Variants in C12orf56 observed in about 807,000 individuals in gnomAD.
C12orf56 encodes the protein chromosome 12 open reading frame 56.
C12orf56 carries 71 observed loss-of-function variants against 69.9 expected under a neutral mutation model. That is an observed-to-expected ratio of 1.02 (90% CI 0.84 to 1.24). The LOEUF is 1.24. Ranked by LOEUF, C12orf56 falls within the 50% of genes most tolerant of loss-of-function variation. The pLI, the probability that C12orf56 is intolerant of heterozygous loss-of-function variation, is 0.00. For missense variants in C12orf56, 732 were observed against 738.5 expected (o/e 0.99, Z 0.10); for synonymous variants, 276 against 274.1 (o/e 1.01, Z -0.07).
intron 1 of C12orf56, among the ~76,000 whole-genome samples, chr12:64,363,436 G>A (rs948593983): frequency 1.3e-5 from 2 of 152,172 alleles, no homozygotes; most frequent in Non-Finnish European, 2.9e-5. Context: ...GCTTGAATCA[G>A]GACTGGCCTT....
intron 3 of C12orf56, 125 bp from the exon 4 acceptor site, chr12:64,319,105 A>T: frequency 1.0e-6 from 1 of 967,182 alleles, no homozygotes; most frequent in East Asian, 2.7e-5. Flanking sequence ...TAAAACAAGG[A>T]AGTCATTGAA....
At chr12:64,315,950 G>C (rs1169525545) in intron 4 of C12orf56, among the ~76,000 whole-genome samples, 1 of 146,296 alleles carries the variant, frequency 6.8e-6, no homozygotes, top group East Asian at 2.0e-4. Flanking sequence ...AAAAAAAAAA[G>C]TGTTTATATT....
chr12:64,352,144 GCTC>G (rs2039235697), intron 2 of C12orf56, among the ~76,000 whole-genome samples: 2 of 150,062 alleles, frequency 1.3e-5, no homozygotes, highest in Non-Finnish European at 2.9e-5. Context: ...CAGGCTTTTG[GCTC>G]CCCTCTCCCT....
intron 4 of C12orf56, among the ~76,000 whole-genome samples, chr12:64,315,074 C>T (rs1035216625): frequency 2.7e-5 from 4 of 147,296 alleles, no homozygotes; most frequent in African/African-American, 1.0e-4. Context: ...GCCTCAGCTT[C>T]CTGAGTAACT....
intron 1 of C12orf56, among the ~76,000 whole-genome samples, chr12:64,379,655 T>C (rs1439591820): frequency 1.3e-5 from 2 of 151,982 alleles, no homozygotes; most frequent in Non-Finnish European, 2.9e-5. Flanking sequence ...TGATGTGAGT[T>C]TACCACTTCC....
At chr12:64,286,617 AT>A (rs1439759783) in intron 6 of C12orf56, among the ~76,000 whole-genome samples, 1 of 152,180 alleles carries the variant, frequency 6.6e-6, no homozygotes, top group African/African-American at 2.4e-5. Context: ...TGGGGAACCC[AT>A]TTTTTAGTGT....
chr12:64,352,209 C>A (rs980616607), intron 2 of C12orf56: 7 of 152,012 alleles, frequency 4.6e-5, no homozygotes, highest in Non-Finnish European at 8.8e-5. Context: ...TACCCACCAC[C>A]CTTGTTTCAT....
intron 6 of C12orf56, among the ~76,000 whole-genome samples, chr12:64,288,889 A>T (rs1430840068): frequency 6.6e-6 from 1 of 151,016 alleles, no homozygotes; most frequent in East Asian, 2.0e-4. Context: ...CTGTGAGGAA[A>T]GTCATTGGTA....
At chr12:64,353,940 C>T (rs1472259181) in intron 1 of C12orf56, among the ~76,000 whole-genome samples, 1 of 152,238 alleles carries the variant, frequency 6.6e-6, no homozygotes. Context: ...CTCGGCCTCC[C>T]AAAGTGCTGG....
At chr12:64,375,803 T>C (rs1312883335) in intron 1 of C12orf56, among the ~76,000 whole-genome samples, 1 of 152,214 alleles carries the variant, frequency 6.6e-6, no homozygotes, top group Non-Finnish European at 1.5e-5. Flanking sequence ...TCATCTTCTC[T>C]TATTTTATGC....
intron 1 of C12orf56, among the ~76,000 whole-genome samples, chr12:64,353,366 C>G (rs10748010): frequency 6.6e-6 from 1 of 151,846 alleles, no homozygotes; most frequent in Non-Finnish European, 1.5e-5. Flanking sequence ...CCATGTTGGC[C>G]AGGCTGGTCT....
intron 4 of C12orf56, among the ~76,000 whole-genome samples, chr12:64,314,426 C>T (rs941353236): frequency 6.6e-6 from 1 of 152,122 alleles, no homozygotes; most frequent in African/African-American, 2.4e-5. Context: ...TTTAGTATTC[C>T]ATAGCATAGA....
intron 4 of C12orf56, among the ~76,000 whole-genome samples, chr12:64,316,814 G>A (rs1001511822): frequency 6.6e-6 from 1 of 152,104 alleles, no homozygotes; most frequent in Non-Finnish European, 1.5e-5. Context: ...ATCAGGCTCC[G>A]TTCTATTGTT....
chr12:64,277,892 T>G, intron 8 of C12orf56, 89 bp from the exon 9 acceptor site: 1 of 1,107,482 alleles, frequency 9.0e-7, no homozygotes, highest in East Asian at 2.9e-5. Flanking sequence ...GATATAATTA[T>G]GTTTAAAAGA....
intron 2 of C12orf56, among the ~76,000 whole-genome samples, chr12:64,332,166 C>T (rs904571584): frequency 1.3e-5 from 2 of 151,550 alleles, no homozygotes; most frequent in South Asian, 2.1e-4. Context: ...TAGCTAGGCG[C>T]GGTAGGGTGG....
At chr12:64,304,619 T>C (rs2038487483) in intron 5 of C12orf56, among the ~76,000 whole-genome samples, 1 of 152,164 alleles carries the variant, frequency 6.6e-6, no homozygotes, top group Non-Finnish European at 1.5e-5. Flanking sequence ...TCAGCTGACT[T>C]TTAGCAACTT....
chr12:64,363,746 G>A (rs2039428022), intron 1 of C12orf56, among the ~76,000 whole-genome samples: 1 of 152,192 alleles, frequency 6.6e-6, no homozygotes, highest in Non-Finnish European at 1.5e-5. Context: ...GAACACTGAT[G>A]ACAGATCATG....
intron 3 of C12orf56, among the ~76,000 whole-genome samples, chr12:64,320,123 C>T (rs1455122576): frequency 6.6e-6 from 1 of 152,206 alleles, no homozygotes; most frequent in Non-Finnish European, 1.5e-5. Flanking sequence ...TGCCCGGGTT[C>T]GTCCTAATGG....
At chr12:64,369,083 C>T (rs1038972028) in intron 1 of C12orf56, among the ~76,000 whole-genome samples, 1 of 149,918 alleles carries the variant, frequency 6.7e-6, no homozygotes, top group African/African-American at 2.5e-5. Context: ...CTCTAGGAAG[C>T]TGAGGAAGGA....
Sources: allele counts gnomAD v4.1 joint callset (sites outside exome capture counted in the v4.1 genomes callset), GRCh38; gene constraint gnomAD v4.1.1; transcripts MANE v1.5; gene names NCBI Gene and HGNC (gene_info 2026-07-23, HGNC 2026-07-21).